MYO1D: variants seen among roughly 807,000 people sequenced by gnomAD.
MYO1D encodes unconventional myosin-Id.
A neutral mutation model predicts 122.0 loss-of-function variants in MYO1D; 83 were observed. That is an observed-to-expected ratio of 0.68 (90% CI 0.57 to 0.82). The LOEUF is 0.82. MYO1D is among the 40% of genes least tolerant of loss of function. The probability of loss-of-function intolerance (pLI) is 0.00; values close to 1 mark genes in which losing one functional copy is unlikely to be tolerated. For synonymous variants in MYO1D, 464 were observed against 446.9 expected, an observed-to-expected ratio of 1.04 and a Z score of -0.48; for missense variants, 1,157 against 1,269.5, an observed-to-expected ratio of 0.91 and a Z score of 1.35.
chr17:32,749,578 A>C (rs1039201403), intron 11 of MYO1D, among the ~76,000 whole-genome samples: 1 of 152,120 alleles, frequency 6.6e-6, no homozygotes, highest in Admixed American at 6.6e-5. Context: ...TAAAAATACA[A>C]AAATTAGGCG....
intron 21 of MYO1D, among the ~76,000 whole-genome samples, chr17:32,528,128 C>T (rs928544874): frequency 1.2e-4 from 19 of 152,230 alleles, no homozygotes; most frequent in African/African-American, 3.9e-4. Flanking sequence ...TGAGCCACTG[C>T]GCCCGGCTGA....
At chr17:32,843,382 G>A (rs182281079) in intron 1 of MYO1D, among the ~76,000 whole-genome samples, 17 of 152,162 alleles carry the variant, frequency 1.1e-4, no homozygotes, top group African/African-American at 4.1e-4. Flanking sequence ...AAACTCCGAC[G>A]ACTAAGGAAA....
intron 1 of MYO1D, among the ~76,000 whole-genome samples, chr17:32,820,995 A>C (rs1197806408): frequency 6.6e-6 from 1 of 152,108 alleles, no homozygotes; most frequent in Non-Finnish European, 1.5e-5. Context: ...CCTTGTACCC[A>C]TTAGTTATTT....
intron 21 of MYO1D, among the ~76,000 whole-genome samples, chr17:32,522,337 G>T (rs1910174607): frequency 6.6e-6 from 1 of 152,102 alleles, no homozygotes; most frequent in Admixed American, 6.6e-5. Context: ...CAGAGTTCAG[G>T]GTTATAATGA....
chr17:32,711,972 T>TA lies in MYO1D; in HGVS notation c.2121+15dup, dbSNP rs1367127083. 6.3e-7 allele frequency: 1 copy of TA among 1,590,790 alleles called. No individual in the cohort carries two copies. The highest frequency in any genetic ancestry group is 8.6e-7 in the Non-Finnish European group (1 of 1,164,924). The stretch of plus-strand genomic sequence containing the variant: ...AAAAGCAAAATCTTATCCTTATATA[T>TA]AAAATATAAAATTACCTTTTGTAGA... On this transcript the variant is annotated intron_variant, in intron 16 of 21. Transcript: ENST00000318217.
chr17:32,780,435 G>T, intron 2 of MYO1D, 141 bp downstream of exon 2: 1 of 754,182 alleles, frequency 1.3e-6, no homozygotes, highest in Non-Finnish European at 2.2e-6. Context: ...GGTATTTAAC[G>T]TTCATCACTT....
At chr17:32,636,392 C>T (rs190661354) in intron 20 of MYO1D, among the ~76,000 whole-genome samples, 21 of 152,242 alleles carry the variant, frequency 1.4e-4, no homozygotes, top group East Asian at 1.3e-3. Flanking sequence ...TTCAATCATA[C>T]AGAAAAGTAT....
intron 21 of MYO1D, among the ~76,000 whole-genome samples, chr17:32,544,316 G>T (rs975112402): frequency 6.6e-6 from 1 of 151,802 alleles, no homozygotes; most frequent in African/African-American, 2.4e-5. Flanking sequence ...GCCCAGGCTG[G>T]TCTTGAACTC....
At chr17:32,780,095 C>T (rs1012423487) in intron 2 of MYO1D, among the ~76,000 whole-genome samples, 15 of 152,196 alleles carry the variant, frequency 9.9e-5, no homozygotes, top group South Asian at 4.1e-4. Flanking sequence ...CTATCTCCCC[C>T]CTTGTTGGGC....
intron 21 of MYO1D, among the ~76,000 whole-genome samples, chr17:32,503,339 G>C (rs897830818): frequency 2.0e-5 from 3 of 152,210 alleles, no homozygotes; most frequent in African/African-American, 7.2e-5. Flanking sequence ...GCTCAGCTGG[G>C]ATTAGGAGAC....
intron 8 of MYO1D, among the ~76,000 whole-genome samples, chr17:32,764,201 T>C (rs1382562512): frequency 6.6e-6 from 1 of 152,152 alleles, no homozygotes; most frequent in African/African-American, 2.4e-5. Flanking sequence ...ATCTCACCTA[T>C]ATGCAATCTG....
intron 20 of MYO1D, among the ~76,000 whole-genome samples, chr17:32,632,164 T>C (rs946934059): frequency 1.3e-5 from 2 of 152,160 alleles, no homozygotes; most frequent in Non-Finnish European, 2.9e-5. Flanking sequence ...ACACATAACA[T>C]AGATTTTGAG....
intron 21 of MYO1D, among the ~76,000 whole-genome samples, chr17:32,534,365 G>T (rs866289648): frequency 2.0e-5 from 3 of 152,006 alleles, no homozygotes; most frequent in Admixed American, 6.6e-5. Flanking sequence ...TAGAGATAAG[G>T]TCTTGCTATG....
intron 21 of MYO1D, among the ~76,000 whole-genome samples, chr17:32,597,392 G>A (rs1218795232): frequency 6.6e-6 from 1 of 151,848 alleles, no homozygotes; most frequent in Non-Finnish European, 1.5e-5. Flanking sequence ...ATAATCATAT[G>A]TGTGTATACA....
intron 21 of MYO1D, among the ~76,000 whole-genome samples, chr17:32,502,414 G>T (rs73274237): frequency 0.013 from 1,941 of 152,294 alleles, 42 homozygotes; most frequent in East Asian, 0.044. Flanking sequence ...GGGAGTGGGG[G>T]CGTGGAGGGA....
At chr17:32,701,786 C>T (rs573036145) in intron 16 of MYO1D, among the ~76,000 whole-genome samples, 8 of 152,212 alleles carry the variant, frequency 5.3e-5, no homozygotes, top group Non-Finnish European at 1.0e-4. Flanking sequence ...AGGCTGGTCT[C>T]GAACTCCTGG....
intron 1 of MYO1D, among the ~76,000 whole-genome samples, chr17:32,813,336 T>C (rs904450025): frequency 1.3e-5 from 2 of 152,126 alleles, no homozygotes; most frequent in African/African-American, 2.4e-5. Flanking sequence ...AAAAGGAAAA[T>C]GTAACAAAGG....
chr17:32,675,421 T>C (rs1316884539), intron 16 of MYO1D, among the ~76,000 whole-genome samples: 1 of 152,152 alleles, frequency 6.6e-6, no homozygotes, highest in Non-Finnish European at 1.5e-5. Context: ...AGAAACATAA[T>C]CTTGTGCTTG....
intron 10 of MYO1D, among the ~76,000 whole-genome samples, chr17:32,758,919 C>A (rs1197247032): frequency 6.6e-6 from 1 of 152,022 alleles, no homozygotes; most frequent in African/African-American, 2.4e-5. Context: ...ATGTTTGGAA[C>A]AGTCCACTGC....
Sources: allele counts gnomAD v4.1 joint callset (sites outside exome capture counted in the v4.1 genomes callset), GRCh38; gene constraint gnomAD v4.1.1; transcripts MANE v1.5; gene names NCBI Gene and HGNC (gene_info 2026-07-23, HGNC 2026-07-21).